GALNTL6: variants seen among roughly 807,000 people sequenced by gnomAD.
The protein encoded by GALNTL6 is polypeptide N-acetylgalactosaminyltransferase like 6.
A neutral mutation model predicts 73.7 loss-of-function variants in GALNTL6; 46 were observed. That is an observed-to-expected ratio of 0.62 (90% CI 0.49 to 0.80). The LOEUF (loss-of-function observed/expected upper bound fraction) is 0.80, where lower values mean the gene tolerates loss of function less well. Ranked by LOEUF, GALNTL6 falls within the 30% of genes least tolerant of loss-of-function variation. The probability of loss-of-function intolerance (pLI) is 0.00; values close to 1 mark genes in which losing one functional copy is unlikely to be tolerated. For missense variants in GALNTL6, 604 were observed against 755.0 expected (o/e 0.80, Z 2.34); for synonymous variants, 259 against 263.7 (o/e 0.98, Z 0.17).
At chr4:172,421,047 A>C (rs1384688373) in intron 5 of GALNTL6, among the ~76,000 whole-genome samples, 3 of 152,020 alleles carry the variant, frequency 2.0e-5, no homozygotes, top group African/African-American at 7.2e-5. Context: ...ACAAATACCT[A>C]ATGCACACTG....
At chr4:172,172,317 C>G (rs538155644) in intron 2 of GALNTL6, among the ~76,000 whole-genome samples, 1 of 152,198 alleles carries the variant, frequency 6.6e-6, no homozygotes, top group Non-Finnish European at 1.5e-5. Flanking sequence ...CCTGCCTCAG[C>G]CTCTCAGGTA....
At position 172,500,146 on chromosome 4, in the gene GALNTL6, C is replaced by T. The variant is rs1380660446; in HGVS notation, c.553+151457C>T. Among the ~76,000 whole-genome samples the T allele has an allele frequency of 2.0e-5, 3 of 152,280 alleles. No individual in the cohort carries two copies. The South Asian group carries it at 6.2e-4, about 32-fold the overall frequency. Reference sequence around the variant, plus strand: ...TTAAACTTCTGAAAGCTAAGCCAGGCATGGTGGCTCATGCCTATAATCCAA... The same window carrying T: ...TTAAACTTCTGAAAGCTAAGCCAGGTATGGTGGCTCATGCCTATAATCCAA... On this transcript the variant is annotated intron_variant, in intron 5 of 12. Transcript: ENST00000506823.
At chr4:171,996,916 T>C (rs1446761347) in intron 2 of GALNTL6, among the ~76,000 whole-genome samples, 4 of 152,224 alleles carry the variant, frequency 2.6e-5, no homozygotes. Flanking sequence ...GTGAAGTTTA[T>C]AGAACTAGAT....
At chr4:171,856,031 A>T (rs2110870414) in intron 2 of GALNTL6, among the ~76,000 whole-genome samples, 1 of 152,158 alleles carries the variant, frequency 6.6e-6, no homozygotes, top group South Asian at 2.1e-4. Context: ...TTTGCAAATA[A>T]TTTTTCCCAA....
intron 5 of GALNTL6, among the ~76,000 whole-genome samples, chr4:172,724,151 A>T (rs573378962): frequency 2.6e-5 from 4 of 152,264 alleles, no homozygotes; most frequent in African/African-American, 9.6e-5. Flanking sequence ...CCTGTATATT[A>T]TTGCTCAAAC....
intron 5 of GALNTL6, among the ~76,000 whole-genome samples, chr4:172,413,244 T>A (rs1243907983): frequency 6.6e-6 from 1 of 152,184 alleles, no homozygotes; most frequent in Non-Finnish European, 1.5e-5. Context: ...GGAAAAAAGA[T>A]ACTGCATTGG....
intron 5 of GALNTL6, among the ~76,000 whole-genome samples, chr4:172,632,130 T>G (rs1473058471): frequency 6.6e-6 from 1 of 152,218 alleles, no homozygotes; most frequent in Non-Finnish European, 1.5e-5. Flanking sequence ...CCACTTTTCT[T>G]TATAAATTAC....
chr4:171,977,526 T>C (rs1282738262), intron 2 of GALNTL6, among the ~76,000 whole-genome samples: 1 of 152,160 alleles, frequency 6.6e-6, no homozygotes, highest in Admixed American at 6.5e-5. Context: ...TGGTTTTTCC[T>C]TCTGTATGTG....
chr4:172,681,841 G>C (rs1428119786), intron 5 of GALNTL6, among the ~76,000 whole-genome samples: 1 of 152,164 alleles, frequency 6.6e-6, no homozygotes, highest in African/African-American at 2.4e-5. Flanking sequence ...CAGACCTTCT[G>C]AGTCCTCCTG....
chr4:173,013,667 G>A (rs957581130), intron 11 of GALNTL6, among the ~76,000 whole-genome samples: 1 of 144,938 alleles, frequency 6.9e-6, no homozygotes, highest in Non-Finnish European at 1.5e-5. Context: ...AAACTACATA[G>A]GCAGAACAGA....
In GALNTL6 at chr4:172,326,275, C is replaced by T. The variant is rs187560179; in HGVS notation, c.386+14523C>T. ...AATTTAAGGTTTCAGTTTAAGAAAG[C>T]AGAAAGAGAAGAGCAAAATAAATTC... is the stretch of plus-strand genomic sequence containing the variant. On this transcript the variant is annotated intron_variant, in intron 4 of 12. Coordinates refer to ENST00000506823, the MANE Select transcript of GALNTL6 (RefSeq NM_001034845.3). Among the ~76,000 whole-genome samples, 123 of 151,914 alleles carry T rather than the reference C, an allele frequency of 8.1e-4. 2 individuals carry two copies. The South Asian group carries it at 0.016, about 19-fold the overall frequency.
At chr4:173,032,313 T>C (rs913413043) in intron 12 of GALNTL6, among the ~76,000 whole-genome samples, 1 of 151,982 alleles carries the variant, frequency 6.6e-6, no homozygotes, top group African/African-American at 2.4e-5. Context: ...TAGCCGGGCG[T>C]GGTGGCGGAT....
At chr4:172,390,122 A>T (rs1743607704) in intron 5 of GALNTL6, among the ~76,000 whole-genome samples, 1 of 152,324 alleles carries the variant, frequency 6.6e-6, no homozygotes, top group East Asian at 1.9e-4. Context: ...TAGCAAAATA[A>T]AGGTCATTAC....
chr4:172,214,806 C>T (rs1229810963), intron 2 of GALNTL6, among the ~76,000 whole-genome samples: 2 of 152,038 alleles, frequency 1.3e-5, no homozygotes, highest in Non-Finnish European at 2.9e-5. Context: ...AGGCACCGTG[C>T]CCGGCCTTTT....
At chr4:172,094,448 G>A (rs1358424159) in intron 2 of GALNTL6, among the ~76,000 whole-genome samples, 1 of 151,726 alleles carries the variant, frequency 6.6e-6, no homozygotes. Context: ...TCAAAATTGG[G>A]GAAAAAACTT....
At chr4:172,188,895 G>A (rs930600798) in intron 2 of GALNTL6, among the ~76,000 whole-genome samples, 2 of 152,206 alleles carry the variant, frequency 1.3e-5, no homozygotes, top group African/African-American at 4.8e-5. Context: ...TACAAGTGGT[G>A]CAAGGAACTG....
At chr4:172,018,548 G>C (rs866488931) in intron 2 of GALNTL6, among the ~76,000 whole-genome samples, 2 of 152,038 alleles carry the variant, frequency 1.3e-5, no homozygotes, top group Admixed American at 1.3e-4. Context: ...GCCTGGTCTT[G>C]CTCCCTCAGT....
intron 5 of GALNTL6, among the ~76,000 whole-genome samples, chr4:172,414,144 A>T (rs1744538790): frequency 6.6e-6 from 1 of 152,158 alleles, no homozygotes; most frequent in Admixed American, 6.6e-5. Flanking sequence ...GTATTGATAT[A>T]CTAGAAGCAC....
intron 2 of GALNTL6, among the ~76,000 whole-genome samples, chr4:171,995,471 T>A (rs1740458217): frequency 6.6e-6 from 1 of 152,082 alleles, no homozygotes; most frequent in Non-Finnish European, 1.5e-5. Context: ...CACAAAAAAA[T>A]TAACGTATCT....
Sources: gnomAD v4.1 joint callset for allele counts (sites outside exome capture counted in the v4.1 genomes callset) on GRCh38, gnomAD v4.1.1 for gene constraint, MANE v1.5 for transcripts, NCBI Gene and HGNC (gene_info 2026-07-23, HGNC 2026-07-21) for gene names.